The following CNST variants were observed in gnomAD, a reference collection of about 807,000 sequenced individuals.
The protein encoded by CNST is consortin.
In CNST, 39 loss-of-function variants were observed where a neutral mutation model predicts 72.4. The ratio of observed to expected loss-of-function variants is 0.54; its 90% CI spans 0.42 to 0.70. The LOEUF is 0.70. CNST is among the 30% of genes least tolerant of loss of function. CNST has a pLI of 0.00. For missense variants in CNST, 871 were observed against 868.5 expected (o/e 1.00, Z -0.04); for synonymous variants, 332 against 320.1 (o/e 1.04, Z -0.40).
In CNST at chr1:246,591,759, A is replaced by G. The variant is rs996012922; in HGVS notation, c.197A>G (p.Gln66Arg). 1 of 1,614,086 alleles carries G rather than the reference A, an allele frequency of 6.2e-7. No homozygotes were observed. The highest frequency in any genetic ancestry group is 1.3e-5 in the African/African-American group (1 of 74,936). Residue 66 changes from glutamine to arginine, a missense_variant, in exon 2 of 11, where the codon CAG becomes CGG. Transcript: ENST00000366513. Reference protein sequence around the residue: ...SAMGKPQVSEQDSLNNNESCT... With the variant: ...SAMGKPQVSERDSLNNNESCT... ...ATGGGAAAGCCCCAAGTGTCTGAGC[A>G]GGACAGTCTCAATAATAATGAAAGC...
At chr1:246,605,662 C>A (rs1186896452) in intron 2 of CNST, among the ~76,000 whole-genome samples, 2 of 149,142 alleles carry the variant, frequency 1.3e-5, no homozygotes, top group Non-Finnish European at 3.0e-5. Flanking sequence ...GTCTTCCGGC[C>A]GGGGTGCGTG....
intron 1 of CNST, among the ~76,000 whole-genome samples, chr1:246,589,146 G>T (rs1272287545): frequency 6.6e-6 from 1 of 151,774 alleles, no homozygotes; most frequent in African/African-American, 2.4e-5. Context: ...TTAAGTTTTA[G>T]GGTACATGTG....
chr1:246,610,985 T>C (rs1663278974), intron 2 of CNST, among the ~76,000 whole-genome samples: 1 of 152,170 alleles, frequency 6.6e-6, no homozygotes, highest in African/African-American at 2.4e-5. Context: ...CCTGACAATA[T>C]TTTCCAGCAA....
chr1:246,566,527 G>A lies in CNST; in HGVS notation c.-188G>A. 1 of 432,382 alleles carries A rather than the reference G, an allele frequency of 2.3e-6. No individual in the cohort carries two copies. Among genetic ancestry groups the A allele is most frequent in the Non-Finnish European group, 4.1e-6 (1 of 242,838 alleles). The allele number at this position is 432,382 out of a possible 1,614,324, so 26.8% of individuals were successfully genotyped here. ...GCAGAGGGAGGCGGGGCGGAAAGGC[G>A]AGAGGTGTCTCCTCCACCGGAGCCA... On this transcript the variant is annotated 5_prime_UTR_variant, in exon 1 of 11. Transcript: ENST00000366513.
intron 6 of CNST, among the ~76,000 whole-genome samples, chr1:246,638,491 C>T (rs114284905): frequency 6.6e-6 from 1 of 152,192 alleles, no homozygotes; most frequent in East Asian, 1.9e-4. Context: ...TAGGAAACCC[C>T]GTTCTTTCCA....
intron 1 of CNST, among the ~76,000 whole-genome samples, chr1:246,577,912 C>G (rs555477168): frequency 6.6e-6 from 1 of 152,054 alleles, no homozygotes; most frequent in Admixed American, 6.6e-5. Flanking sequence ...CTTTCACTGA[C>G]AAAAATATCC....
At chr1:246,618,797 GACCATTACAAA>G (rs1663861969) in intron 2 of CNST, among the ~76,000 whole-genome samples, 1 of 152,140 alleles carries the variant, frequency 6.6e-6, no homozygotes, top group Non-Finnish European at 1.5e-5. Context: ...CAGGAAACTT[GACCATTACAAA>G]TCGATGCTAA....
chr1:246,570,977 A>C (rs151126579), intron 1 of CNST, among the ~76,000 whole-genome samples: 72 of 152,314 alleles, frequency 4.7e-4, no homozygotes, highest in African/African-American at 1.7e-3. Context: ...TTCAAGATTC[A>C]CATGAATACA....
chr1:246,619,680 G>A (rs537888263), intron 2 of CNST, among the ~76,000 whole-genome samples: 25 of 152,350 alleles, frequency 1.6e-4, no homozygotes, highest in Admixed American at 7.8e-4. Context: ...TATTCTAGCC[G>A]TTAGGATCTG....
intron 2 of CNST, among the ~76,000 whole-genome samples, chr1:246,616,679 C>T (rs1663720259): frequency 6.6e-6 from 1 of 152,162 alleles, no homozygotes; most frequent in Admixed American, 6.5e-5. Flanking sequence ...CTCAGCCTCC[C>T]GAGTAGCTGG....
chr1:246,661,119 G>T lies in CNST; in HGVS notation c.1972+785G>T, dbSNP rs192415110. ...TGAGTAGCTGGGCTTACAGGCACAT[G>T]CCACCACGCCCGGCTAATTTTTGTA... On this transcript the variant is annotated intron_variant, in intron 10 of 10. Transcript: ENST00000366513. Among the ~76,000 whole-genome samples, 24 of 152,166 alleles carry T rather than the reference G, an allele frequency of 1.6e-4. No homozygotes were observed. The East Asian group carries it at 4.3e-3, about 27-fold the overall frequency.
chr1:246,593,239 T>A (rs1291507776), intron 2 of CNST, among the ~76,000 whole-genome samples: 1 of 152,204 alleles, frequency 6.6e-6, no homozygotes, highest in East Asian at 1.9e-4. Flanking sequence ...CTGGTTAATG[T>A]AACTCATAAT....
rs1471979958 is a variant in CNST at position 246,647,388 on chromosome 1, A to C, written c.1187A>C (p.Asp396Ala). ...GACTCTTCTGAGGATGCTTGTGAGG[A>C]TGACAGTCGCTTGCAGCTGGCTCAA... ...GPDSSEDACEDDSRLQLAQTE... is the reference protein window; with the variant it reads ...GPDSSEDACEADSRLQLAQTE... Residue 396 changes from aspartate to alanine, a missense_variant, in exon 9 of 11, where the codon GAT (aspartate) becomes GCT (alanine). Coordinates refer to ENST00000366513, the MANE Select transcript of CNST (RefSeq NM_152609.3). The C allele has an allele frequency of 5.6e-6, 9 of 1,613,942 alleles. No individual in the cohort carries two copies. The East Asian group carries it at 2.0e-4, about 36-fold the overall frequency.
intron 6 of CNST, among the ~76,000 whole-genome samples, chr1:246,636,175 C>T (rs1212819893): frequency 1.3e-5 from 2 of 152,056 alleles, no homozygotes; most frequent in African/African-American, 2.4e-5. Flanking sequence ...AGACCAGGCT[C>T]CAGGGGGTAA....
At chr1:246,583,454 A>T (rs1010371212) in intron 1 of CNST, among the ~76,000 whole-genome samples, 1 of 152,238 alleles carries the variant, frequency 6.6e-6, no homozygotes, top group African/African-American at 2.4e-5. Context: ...CAGGGTTTAT[A>T]GACATAGCGT....
In CNST at chr1:246,648,238, T is replaced by C. The variant is rs556034937; in HGVS notation, c.1836+201T>C. ...TGACTTTTAATCATTGCAATGTTCA[T>C]ACTACAAGATGTTCTATTGCATGCC... On this transcript the variant is annotated intron_variant, in intron 9 of 10. Transcript: ENST00000366513. 5.2e-6 allele frequency: 7 copies of C among 1,345,836 alleles called. No homozygotes were observed. In the African/African-American group the frequency reaches 8.8e-5, roughly 17 times the overall value. 83.4% of individuals were successfully genotyped at this position (1,345,836 alleles called of 1,614,324 possible).
chr1:246,642,002 A>T lies in CNST; in HGVS notation c.902A>T (p.Asp301Val), dbSNP rs763094160. 1 of 1,612,490 alleles carries T rather than the reference A, an allele frequency of 6.2e-7. No individual in the cohort carries two copies. The highest frequency in any genetic ancestry group is 2.2e-5 in the East Asian group (1 of 44,798). ...TCCACGCAGTTACTAGTGTCTGAAG[A>T]TCCAAAGGAAGGAGGAGCTACCACC... ...KCSTQLLVSE[D>V]PKEGGATTKE... Residue 301 changes from aspartate to valine, a missense_variant, in exon 8 of 11, where the codon GAT (aspartate) becomes GTT (valine). Asp to Val is a radical substitution (Grantham distance 152). Transcript: ENST00000366513.
intron 9 of CNST, among the ~76,000 whole-genome samples, chr1:246,658,037 G>A (rs1369797762): frequency 6.6e-6 from 1 of 152,142 alleles, no homozygotes; most frequent in Non-Finnish European, 1.5e-5. Flanking sequence ...CCATTGGTAA[G>A]TGTATGACAG....
chr1:246,633,624 T>C (rs1196772167), intron 4 of CNST, among the ~76,000 whole-genome samples: 1 of 151,668 alleles, frequency 6.6e-6, no homozygotes, highest in Non-Finnish European at 1.5e-5. Flanking sequence ...GCGCCTGTAG[T>C]CTCAGCTACC....
Sources: gnomAD v4.1 joint callset for allele counts (sites outside exome capture counted in the v4.1 genomes callset) on GRCh38, gnomAD v4.1.1 for gene constraint, MANE v1.5 for transcripts, NCBI Gene and HGNC (gene_info 2026-07-23, HGNC 2026-07-21) for gene names.